The following SYTL3 variants were observed in gnomAD, a reference collection of about 807,000 sequenced individuals.
SYTL3 encodes the protein synaptotagmin-like protein 3.
In SYTL3, 88 loss-of-function variants were observed where a neutral mutation model predicts 82.1. The observed-to-expected ratio is 1.07, with a 90% CI of 0.90 to 1.28. The LOEUF (loss-of-function observed/expected upper bound fraction) is 1.28. SYTL3 is among the 50% of genes most tolerant of loss of function. SYTL3 has a pLI of 0.00. For missense variants in SYTL3, 831 were observed against 757.6 expected, an observed-to-expected ratio of 1.10 and a Z score of -1.14; for synonymous variants, 311 against 289.4, an observed-to-expected ratio of 1.07 and a Z score of -0.76.
intron 4 of SYTL3, among the ~76,000 whole-genome samples, chr6:158,663,922 C>T (rs762194479): frequency 2.6e-5 from 4 of 152,036 alleles, no homozygotes; most frequent in Non-Finnish European, 4.4e-5. Flanking sequence ...GTTTCCTGAC[C>T]GCTTTGCCAA....
In SYTL3 at chr6:158,682,649, A is replaced by G. The variant is rs868687107; in HGVS notation, c.330-276A>G. ...GCTGGGATTACAGGCATGAGCCACC[A>G]CACCTAGCCCATATTCACATATTAT... is the stretch of plus-strand genomic sequence containing the variant. On this transcript the variant is annotated intron_variant, in intron 5 of 17. Transcript: ENST00000611299. Among the ~76,000 whole-genome samples the G allele has an allele frequency of 2.6e-5, 4 of 152,224 alleles. No individual in the cohort carries two copies. In the South Asian group the frequency reaches 8.3e-4, roughly 32 times the overall value.
intron 11 of SYTL3, among the ~76,000 whole-genome samples, chr6:158,727,589 G>C (rs1784886970): frequency 6.6e-6 from 1 of 152,076 alleles, no homozygotes; most frequent in Admixed American, 6.6e-5. Context: ...GCTGGGCCTG[G>C]CCGGAAAAGT....
intron 11 of SYTL3, among the ~76,000 whole-genome samples, chr6:158,735,208 G>T (rs1324702628): frequency 6.6e-6 from 1 of 152,096 alleles, no homozygotes; most frequent in Non-Finnish European, 1.5e-5. Flanking sequence ...TCCCTTTGCT[G>T]CTTAGGGACT....
chr6:158,730,512 G>A (rs924625945), intron 11 of SYTL3, among the ~76,000 whole-genome samples: 1 of 152,216 alleles, frequency 6.6e-6, no homozygotes, highest in Non-Finnish European at 1.5e-5. Context: ...TCCTCCAGGG[G>A]CGGTCTCTAG....
rs552091789 is a variant in SYTL3, at chr6:158,664,904, T to C, written c.111-491T>C. Among the ~76,000 whole-genome samples the C allele has an allele frequency of 2.6e-3, 350 of 134,626 alleles. 2 individuals carry two copies. Among genetic ancestry groups the C allele is most frequent in the Non-Finnish European group, 5.0e-3 (306 of 61,574 alleles). The allele number at this position is 134,626 out of a possible 152,430, so 88.3% of individuals were successfully genotyped here. A position where few individuals can be genotyped will look rare whatever the true frequency, so the allele number is the denominator to read the frequency against. The stretch of plus-strand genomic sequence containing the variant: ...TCTAGGGGAGTGGGCTGACCACTTA[T>C]TAAAAAAAAAATGTAGCAAAAGCAT... On this transcript the variant is annotated intron_variant, in intron 4 of 17. Coordinates refer to ENST00000611299, the MANE Select transcript of SYTL3 (RefSeq NM_001242394.2).
chr6:158,736,404 G>A (rs1786171763), intron 11 of SYTL3, among the ~76,000 whole-genome samples: 2 of 152,012 alleles, frequency 1.3e-5, no homozygotes, highest in Non-Finnish European at 2.9e-5. Context: ...TTAAATTATG[G>A]AGAATGTGCA....
intron 15 of SYTL3, among the ~76,000 whole-genome samples, chr6:158,761,447 C>T (rs1471479728): frequency 2.0e-5 from 3 of 151,702 alleles, no homozygotes; most frequent in Non-Finnish European, 2.9e-5. Flanking sequence ...GGACTACAGG[C>T]ACCTGCCACC....
At chr6:158,712,538 T>G (rs534192258) in intron 8 of SYTL3, among the ~76,000 whole-genome samples, 1 of 152,298 alleles carries the variant, frequency 6.6e-6, no homozygotes, top group East Asian at 1.9e-4. Context: ...CCTAACATGA[T>G]GCAACTATCC....
intron 11 of SYTL3, among the ~76,000 whole-genome samples, chr6:158,738,689 G>T (rs191562244): frequency 2.0e-5 from 3 of 152,158 alleles, no homozygotes; most frequent in Non-Finnish European, 4.4e-5. Flanking sequence ...ATAGAGTCTC[G>T]CTCAGCTGCC....
chr6:158,718,294 T>C, intron 10 of SYTL3, 83 bp downstream of exon 10: 1 of 1,298,556 alleles, frequency 7.7e-7, no homozygotes, highest in Non-Finnish European at 9.9e-7. Context: ...CTCTGTAGAT[T>C]TATGTTTTCT....
chr6:158,715,666 C>T (rs1783334804), intron 9 of SYTL3, among the ~76,000 whole-genome samples: 1 of 139,276 alleles, frequency 7.2e-6, no homozygotes, highest in Admixed American at 7.2e-5. Flanking sequence ...ACCCCCTGCC[C>T]AGAGGCAGAG....
In SYTL3 at chr6:158,656,914, A is replaced by G. The variant is rs536531695; in HGVS notation, c.-636-4355A>G. On this transcript the variant is annotated intron_variant, in intron 2 of 17. Coordinates refer to ENST00000611299, the MANE Select transcript of SYTL3 (RefSeq NM_001242394.2). ...AATGGCACAAAACCAAAAGCATTCA[A>G]GAGAGAATTACATTTGTTTTATCCA... Among the ~76,000 whole-genome samples, 12 of 152,346 alleles carry G rather than the reference A, an allele frequency of 7.9e-5. No homozygotes were observed. The South Asian group carries it at 2.1e-3, about 26-fold the overall frequency.
chr6:158,694,959 A>G (rs1010976709), intron 6 of SYTL3, among the ~76,000 whole-genome samples: 2 of 152,208 alleles, frequency 1.3e-5, no homozygotes, highest in African/African-American at 4.8e-5. Context: ...AGGAAGAACC[A>G]TGATTAGGTG....
chr6:158,743,234 A>G (rs1787164657), intron 11 of SYTL3, among the ~76,000 whole-genome samples: 1 of 152,214 alleles, frequency 6.6e-6, no homozygotes, highest in Non-Finnish European at 1.5e-5. Context: ...TTGCTTACAC[A>G]GGGACTTATG....
At chr6:158,668,305 C>T (rs1026604467) in intron 5 of SYTL3, among the ~76,000 whole-genome samples, 3 of 151,962 alleles carry the variant, frequency 2.0e-5, no homozygotes, top group African/African-American at 7.3e-5. Flanking sequence ...TCTCGGCTCA[C>T]TGCAACCTCT....
Position 158,663,165 on chromosome 6 carries a change from A to G in SYTL3, c.-104A>G, listed in dbSNP as rs1789562994. 5 of 968,458 alleles carry G rather than the reference A, an allele frequency of 5.2e-6. No individual in the cohort carries two copies. The highest frequency in any genetic ancestry group is 1.6e-5 in the African/African-American group (1 of 61,044). 60.0% of individuals were successfully genotyped at this position (968,458 alleles called of 1,614,324 possible). On this transcript the variant is annotated 5_prime_UTR_variant, in exon 4 of 18. Transcript: ENST00000611299. ...TGAAATAGGAGAGGGAGCTCTTTAA[A>G]CAAGGCTGGCTGCAGCTGGCCTCCG...
Position 158,692,773 on chromosome 6 carries a change from T to TAA in SYTL3, c.394+9802_394+9803dup, listed in dbSNP as rs35173536. On this transcript the variant is annotated intron_variant, in intron 6 of 17. Coordinates refer to ENST00000611299, the MANE Select transcript of SYTL3 (RefSeq NM_001242394.2). Reference sequence around the variant, plus strand: ...TAACGTGGTGAAATCCCGTCTCTACTAAAAAAAAAAAAAAAAAAATACAAA... The same window carrying TAA: ...TAACGTGGTGAAATCCCGTCTCTACTAAAAAAAAAAAAAAAAAAAAATACAAA... Among the ~76,000 whole-genome samples the TAA allele has an allele frequency of 7.6e-3, 927 of 121,650 alleles. 4 individuals are homozygous for TAA. Among genetic ancestry groups the TAA allele is most frequent in the African/African-American group, 0.022 (766 of 34,112 alleles). 79.8% of individuals were successfully genotyped at this position (121,650 alleles called of 152,430 possible). A position where few individuals can be genotyped will look rare whatever the true frequency, so the allele number is the denominator to read the frequency against.
intron 5 of SYTL3, among the ~76,000 whole-genome samples, chr6:158,676,242 A>G (rs899750080): frequency 6.6e-6 from 1 of 152,240 alleles, no homozygotes; most frequent in African/African-American, 2.4e-5. Flanking sequence ...GCCCTCAGAA[A>G]TAATGTTGCA....
intron 11 of SYTL3, among the ~76,000 whole-genome samples, chr6:158,742,205 C>T (rs1488419876): frequency 6.6e-6 from 1 of 152,158 alleles, no homozygotes; most frequent in African/African-American, 2.4e-5. Context: ...GAGAAATGCC[C>T]ATTAAAATGA....
Sources: gnomAD v4.1 joint callset for allele counts (sites outside exome capture counted in the v4.1 genomes callset) on GRCh38, gnomAD v4.1.1 for gene constraint, MANE v1.5 for transcripts, NCBI Gene and HGNC (gene_info 2026-07-23, HGNC 2026-07-21) for gene names.